DCDC1: variants seen among roughly 807,000 people sequenced by gnomAD.
DCDC1 encodes the protein doublecortin domain containing 1, also known as doublecortin domain-containing protein 1.
Under a neutral mutation model 178.3 loss-of-function variants are expected in DCDC1, and 200 were observed. That is an observed-to-expected ratio of 1.12 (90% confidence interval 1.00 to 1.26). The LOEUF (loss-of-function observed/expected upper bound fraction) is 1.26, where lower values mean the gene tolerates loss of function less well. Ranked by LOEUF, DCDC1 falls within the 50% of genes most tolerant of loss-of-function variation. DCDC1 has a pLI of 0.00. For missense variants in DCDC1, 1,983 were observed against 1,749.2 expected (o/e 1.13, Z -2.38); for synonymous variants, 690 against 604.8 (o/e 1.14, Z -2.07).
intron 20 of DCDC1, among the ~76,000 whole-genome samples, chr11:31,042,604 C>T (rs527356109): frequency 3.3e-5 from 5 of 151,988 alleles, no homozygotes; most frequent in African/African-American, 9.6e-5. Flanking sequence ...TTTTTCCAGC[C>T]CACTATGACC....
chr11:31,006,690 G>A lies in DCDC1; in HGVS notation c.2592-54122C>T, dbSNP rs143536698. Among the ~76,000 whole-genome samples the A allele has an allele frequency of 5.1e-3, 774 of 152,260 alleles. 9 individuals are homozygous for A. Among genetic ancestry groups the A allele is most frequent in the African/African-American group, 0.015 (643 of 41,548 alleles). ...TAATTGACAATACTTTGTCTGGAGC[G>A]TAGTAAGCACCCAATAAATATTCGC... On this transcript the variant is annotated intron_variant, in intron 20 of 38. Coordinates refer to ENST00000684477, the MANE Select transcript of DCDC1 (RefSeq NM_001387274.1).
At chr11:31,028,092 A>C (rs1465714245) in intron 20 of DCDC1, among the ~76,000 whole-genome samples, 1 of 151,902 alleles carries the variant, frequency 6.6e-6, no homozygotes, top group Non-Finnish European at 1.5e-5. Context: ...ATAGTCTGTA[A>C]AACAAAATAT....
intron 33 of DCDC1, 129 bp from the exon 34 acceptor site, chr11:30,899,771 T>A: frequency 1.6e-6 from 1 of 627,372 alleles, no homozygotes; most frequent in Non-Finnish European, 2.4e-6. Context: ...TAAGGGTCAT[T>A]AAAAGAAACT....
At chr11:30,889,702 T>G (rs917150343) in intron 36 of DCDC1, among the ~76,000 whole-genome samples, 1 of 152,132 alleles carries the variant, frequency 6.6e-6, no homozygotes, top group Non-Finnish European at 1.5e-5. Flanking sequence ...AAGGAAGAGA[T>G]TCGAAGTTTC....
chr11:31,000,318 TCTC>T (rs1951501334), intron 20 of DCDC1, among the ~76,000 whole-genome samples: 1 of 152,162 alleles, frequency 6.6e-6, no homozygotes, highest in Non-Finnish European at 1.5e-5. Flanking sequence ...TAATATTTAG[TCTC>T]CTCTTCTCAT....
At chr11:31,065,249 T>G in intron 18 of DCDC1, 96 bp from the exon 19 acceptor site, 1 of 538,634 alleles carries the variant, frequency 1.9e-6, no homozygotes, top group South Asian at 3.1e-5. Context: ...ATTACATTAA[T>G]AGTAAAAAGG....
Position 31,307,672 on chromosome 11 carries a change from T to G in DCDC1, c.401A>C (p.Asn134Thr). The change falls in exon 4 of 39, where the codon AAC (asparagine) becomes ACC (threonine). Residue 134 changes from asparagine (N) to threonine (T), a missense_variant. By Grantham distance (65) the Asn-to-Thr change is moderately conservative. Transcript: ENST00000684477. ...ACCCACTGGAGCACTGACAGGTCTGTTTCTCTTGGATGCTGATATAGAACA... is the reference window on the plus strand; with the variant it reads ...ACCCACTGGAGCACTGACAGGTCTGGTTCTCTTGGATGCTGATATAGAACA... ...NSCSISASKR[N>T]RPVSAPVGQL... 1 of 1,614,090 alleles carries G rather than the reference T, an allele frequency of 6.2e-7. No homozygotes were observed. The highest frequency in any genetic ancestry group is 8.5e-7 in the Non-Finnish European group (1 of 1,179,964).
chr11:31,148,810 T>C (rs1207346956), intron 9 of DCDC1, among the ~76,000 whole-genome samples: 1 of 152,168 alleles, frequency 6.6e-6, no homozygotes, highest in Non-Finnish European at 1.5e-5. Context: ...ATAAGTTCTT[T>C]AGTGGTGATT....
intron 38 of DCDC1, among the ~76,000 whole-genome samples, chr11:30,871,663 C>G (rs1163905374): frequency 6.6e-6 from 1 of 151,920 alleles, no homozygotes; most frequent in Non-Finnish European, 1.5e-5. Flanking sequence ...TTTAAAATAG[C>G]AAGATTTTAT....
chr11:31,158,526 T>C (rs1965977310), intron 9 of DCDC1, among the ~76,000 whole-genome samples: 1 of 152,190 alleles, frequency 6.6e-6, no homozygotes, highest in African/African-American at 2.4e-5. Flanking sequence ...TCCTCATTCC[T>C]CATTTCCACC....
rs1201271973 is a variant in DCDC1 at position 31,307,762 on chromosome 11, G to T, written c.311C>A (p.Ser104Ter). 1 of 1,614,130 alleles carries T rather than the reference G, an allele frequency of 6.2e-7. No individual in the cohort carries two copies. The highest frequency in any genetic ancestry group is 8.5e-7 in the Non-Finnish European group (1 of 1,180,004). Residue 104 changes from serine to a stop codon, truncating the protein, a stop_gained, in exon 4 of 39, where the codon TCA becomes TAA. Coordinates refer to ENST00000684477, the MANE Select transcript of DCDC1 (RefSeq NM_001387274.1). LOFTEE classifies it high-confidence loss of function. The stretch of plus-strand genomic sequence containing the variant: ...TGATATTTCATCATGGCTGTGATCT[G>T]ATGCTGTTTGATGTGTGGAGCAATC... The part of the protein sequence containing the change: ...LQDCSTHQTA[S>*]DHSHDEISDL...
chr11:31,312,793 C>A (rs1948847386), intron 3 of DCDC1: 1 of 152,204 alleles, frequency 6.6e-6, no homozygotes, highest in African/African-American at 2.4e-5. Context: ...AATCATGAGA[C>A]TTCACAGCCT....
intron 20 of DCDC1, among the ~76,000 whole-genome samples, chr11:31,000,966 G>C (rs1951540339): frequency 1.3e-5 from 2 of 152,070 alleles, no homozygotes; most frequent in Admixed American, 1.3e-4. Context: ...CTGTATATAT[G>C]CTGATCCTTA....
At chr11:31,131,188 C>CAAAAAAAAAAAAAA (rs565349028) in intron 10 of DCDC1, among the ~76,000 whole-genome samples, 10 of 21,560 alleles carry the variant, frequency 4.6e-4, no homozygotes, top group African/African-American at 9.9e-4. Context: ...GACTCCGTCT[C>CAAAAAAAAAAAAAA]AAAAAAAAAA....
In DCDC1 at chr11:31,102,178, T is replaced by C. The variant is rs772875830; in HGVS notation, c.1982A>G (p.Lys661Arg). Residue 661 changes from lysine (K) to arginine (R), a missense_variant and splice_region_variant, in exon 15 of 39, where the codon AAG (lysine) becomes AGG (arginine). Transcript: ENST00000684477. ...VDLENHFLQN[K>R]VDPNIVLHAS... Reference sequence around the variant, plus strand: ...AAAGTACAATAACTAAAATCCCACCTTGTTCTGTAGAAAATGGTTCTCCAA... The same window carrying C: ...AAAGTACAATAACTAAAATCCCACCCTGTTCTGTAGAAAATGGTTCTCCAA... 8.4e-6 allele frequency: 6 copies of C among 710,926 alleles called. No homozygotes were observed. 44.0% of individuals were successfully genotyped at this position (710,926 alleles called of 1,614,324 possible). A position where few individuals can be genotyped will look rare whatever the true frequency, so the allele number is the denominator to read the frequency against.
chr11:31,338,704 C>T (rs1445163278), intron 1 of DCDC1, among the ~76,000 whole-genome samples: 1 of 152,134 alleles, frequency 6.6e-6, no homozygotes, highest in Non-Finnish European at 1.5e-5. Context: ...GCATAATTTT[C>T]AGCCTTCTTT....
intron 17 of DCDC1, among the ~76,000 whole-genome samples, chr11:31,082,563 ATG>A: frequency 6.8e-6 from 1 of 148,038 alleles, no homozygotes; most frequent in Non-Finnish European, 1.5e-5. Context: ...CTATATCGAT[ATG>A]TGATATAGAT....
intron 20 of DCDC1, among the ~76,000 whole-genome samples, chr11:30,992,117 A>G (rs564624018): frequency 3.9e-5 from 6 of 152,332 alleles, no homozygotes; most frequent in African/African-American, 1.4e-4. Flanking sequence ...TAAGAAAAAC[A>G]TAAATAAAAT....
intron 8 of DCDC1, among the ~76,000 whole-genome samples, chr11:31,242,067 T>C (rs1032727183): frequency 6.6e-6 from 1 of 151,928 alleles, no homozygotes; most frequent in Non-Finnish European, 1.5e-5. Flanking sequence ...TAAAATATAA[T>C]CCACACCTTT....
Sources: gnomAD v4.1 joint callset for allele counts (sites outside exome capture counted in the v4.1 genomes callset) on GRCh38, gnomAD v4.1.1 for gene constraint, MANE v1.5 for transcripts, NCBI Gene and HGNC (gene_info 2026-07-23, HGNC 2026-07-21) for gene names.